DAG1: variants seen among roughly 807,000 people sequenced by gnomAD.
DAG1 encodes the protein dystroglycan 1.
In DAG1, 8 loss-of-function variants were observed where a neutral mutation model predicts 46.1. The ratio of observed to expected loss-of-function variants is 0.17; its 90% CI spans 0.10 to 0.31. The LOEUF (loss-of-function observed/expected upper bound fraction) is 0.31, where lower values mean the gene tolerates loss of function less well. Among genes scored for constraint, DAG1 ranks in the 10% least tolerant of loss-of-function variants. The probability of loss-of-function intolerance (pLI) is 1.00; values close to 1 mark genes in which losing one functional copy is unlikely to be tolerated. For synonymous variants in DAG1, 495 were observed against 481.8 expected, an observed-to-expected ratio of 1.03 and a Z score of -0.36; for missense variants, 1,003 against 1,189.9, an observed-to-expected ratio of 0.84 and a Z score of 2.31.
At chr3:49,499,204 T>C (rs1234658931) in intron 1 of DAG1, among the ~76,000 whole-genome samples, 1 of 152,172 alleles carries the variant, frequency 6.6e-6, no homozygotes, top group African/African-American at 2.4e-5. Flanking sequence ...CAAAAACTAA[T>C]AGAGAGCTGT....
chr3:49,512,079 T>G (rs534692064), intron 2 of DAG1, among the ~76,000 whole-genome samples: 3 of 152,140 alleles, frequency 2.0e-5, no homozygotes, highest in Non-Finnish European at 4.4e-5. Flanking sequence ...TTGTTCAGGC[T>G]GGAGTGCAGT....
intron 1 of DAG1, among the ~76,000 whole-genome samples, chr3:49,488,423 T>G (rs1244544820): frequency 6.6e-6 from 1 of 152,226 alleles, no homozygotes; most frequent in African/African-American, 2.4e-5. Context: ...TCTAGGATTA[T>G]ATCCTTAGAT....
chr3:49,495,285 A>G (rs1354734968), intron 1 of DAG1, among the ~76,000 whole-genome samples: 2 of 152,192 alleles, frequency 1.3e-5, no homozygotes, highest in African/African-American at 4.8e-5. Flanking sequence ...TTTATAATGT[A>G]TTAGTATAAA....
rs2051422567 is a variant in DAG1, at chr3:49,533,309, T to C, written c.*110T>C. On this transcript the variant is annotated 3_prime_UTR_variant, in exon 3 of 3. Coordinates refer to ENST00000308775, the MANE Select transcript of DAG1 (RefSeq NM_004393.6). Reference sequence around the variant, plus strand: ...CCATTGCCCACCGGGAGCCGACACCTGACCTAGCACACACTGACACAGGGG... The same window carrying C: ...CCATTGCCCACCGGGAGCCGACACCCGACCTAGCACACACTGACACAGGGG... 1 of 1,497,196 alleles carries C rather than the reference T, an allele frequency of 6.7e-7. No homozygotes were observed. Among genetic ancestry groups the C allele is most frequent in the East Asian group, 2.4e-5 (1 of 41,252 alleles). The allele number at this position is 1,497,196 out of a possible 1,614,324, so 92.7% of individuals were successfully genotyped here.
rs758040274 is a variant in DAG1, at chr3:49,530,943, C to T, written c.432C>T (p.His144=). Residue 144 remains histidine (H), a synonymous_variant, in exon 3 of 3, where the codon CAC becomes CAT. Coordinates refer to ENST00000308775, the MANE Select transcript of DAG1 (RefSeq NM_004393.6). ...CACGGCTGGGGGCCAACGGGAGCCA[C>T]ATCCCCCAGACCTCCAGTGTGTTCT... ...SATRLGANGS[H]IPQTSSVFSI... 6 of 1,614,152 alleles carry T rather than the reference C, an allele frequency of 3.7e-6. No homozygotes were observed. The highest frequency in any genetic ancestry group is 5.1e-6 in the Non-Finnish European group (6 of 1,180,018).
chr3:49,512,433 C>T (rs2050786325), intron 2 of DAG1, among the ~76,000 whole-genome samples: 1 of 151,088 alleles, frequency 6.6e-6, no homozygotes, highest in Non-Finnish European at 1.5e-5. Context: ...TCTCTGTCAC[C>T]CAAGCTGGAA....
At position 49,533,919 on chromosome 3, in the gene DAG1, G is replaced by A. The variant is rs949380073; in HGVS notation, c.*720G>A. The A allele has an allele frequency of 1.5e-4, 24 of 163,142 alleles. No homozygotes were observed. The highest frequency in any genetic ancestry group is 1.6e-4 in the Non-Finnish European group (12 of 74,844). The allele number at this position is 163,142 out of a possible 1,614,324, so 10.1% of individuals were successfully genotyped here. ...GGCCCTGGCTCACGCCAAGTCCCTG[G>A]TGCTGGGTTTGCTCTCCCGCTGTTG... On this transcript the variant is annotated 3_prime_UTR_variant, in exon 3 of 3. Coordinates refer to ENST00000308775, the MANE Select transcript of DAG1 (RefSeq NM_004393.6).
At chr3:49,484,229 A>G (rs1252131244) in intron 1 of DAG1, among the ~76,000 whole-genome samples, 3 of 152,108 alleles carry the variant, frequency 2.0e-5, no homozygotes, top group African/African-American at 7.2e-5. Context: ...TTGTGTTTGC[A>G]AGTCTGAGGA....
Position 49,535,364 on chromosome 3 carries a change from C to G in DAG1, c.*2165C>G, listed in dbSNP as rs985699958. ...GTGGCTGGCCCAGAATGGCCTGTTG[C>G]CATAGCAACTGGAGGCGATGGGGCA... On this transcript the variant is annotated 3_prime_UTR_variant, in exon 3 of 3. Coordinates refer to ENST00000308775, the MANE Select transcript of DAG1 (RefSeq NM_004393.6). 1.3e-5 allele frequency: 2 copies of G among 152,662 alleles called. No individual in the cohort carries two copies. Among genetic ancestry groups the G allele is most frequent in the African/African-American group, 4.8e-5 (2 of 41,462 alleles). The allele number at this position is 152,662 out of a possible 1,614,324, so 9.5% of individuals were successfully genotyped here.
At chr3:49,514,848 GACACA>G (rs2050856153) in intron 2 of DAG1, among the ~76,000 whole-genome samples, 1 of 147,462 alleles carries the variant, frequency 6.8e-6, no homozygotes, top group Non-Finnish European at 1.5e-5. Context: ...CACATACATA[GACACA>G]CACACACATA....
intron 1 of DAG1, among the ~76,000 whole-genome samples, chr3:49,504,863 G>A (rs1341180646): frequency 1.4e-5 from 2 of 144,450 alleles, no homozygotes; most frequent in Non-Finnish European, 3.0e-5. Context: ...CACCCGCCTC[G>A]GCCTCCCAAA....
chr3:49,492,563 A>C (rs548413909), intron 1 of DAG1, among the ~76,000 whole-genome samples: 1 of 152,100 alleles, frequency 6.6e-6, no homozygotes, highest in African/African-American at 2.4e-5. Context: ...AGGAGGATCA[A>C]TTGAGCCTGG....
At chr3:49,506,557 A>G (rs2050612210) in intron 1 of DAG1, among the ~76,000 whole-genome samples, 1 of 152,134 alleles carries the variant, frequency 6.6e-6, no homozygotes, top group Non-Finnish European at 1.5e-5. Context: ...TGGTATGACC[A>G]TGTGATTTTT....
intron 1 of DAG1, among the ~76,000 whole-genome samples, chr3:49,483,763 C>A (rs2049945701): frequency 6.6e-6 from 1 of 152,138 alleles, no homozygotes. Context: ...CAGTCTTGAC[C>A]TCCTAGGGTC....
chr3:49,485,657 CTTTTTTTTTTT>C (rs749730213), intron 1 of DAG1, among the ~76,000 whole-genome samples: 1 of 82,110 alleles, frequency 1.2e-5, no homozygotes, highest in Non-Finnish European at 2.4e-5. Context: ...TGTTTTCTTT[CTTTTTTTTTTT>C]TTTTTTTTTT....
chr3:49,496,324 C>T (rs954637225), intron 1 of DAG1, among the ~76,000 whole-genome samples: 9 of 149,680 alleles, frequency 6.0e-5, no homozygotes, highest in African/African-American at 1.7e-4. Context: ...TCCATGCCTA[C>T]GTACTTGGCC....
At chr3:49,527,718 C>G (rs1203082098) in intron 2 of DAG1, among the ~76,000 whole-genome samples, 1 of 152,032 alleles carries the variant, frequency 6.6e-6, no homozygotes, top group Non-Finnish European at 1.5e-5. Context: ...AAAAAGTGCC[C>G]TTGTATAGTT....
chr3:49,471,696 A>G (rs2049522516), intron 1 of DAG1, among the ~76,000 whole-genome samples: 1 of 152,250 alleles, frequency 6.6e-6, no homozygotes, highest in Non-Finnish European at 1.5e-5. Context: ...GGCACAGTGC[A>G]AATCCTCACT....
At position 49,531,525 on chromosome 3, in the gene DAG1, C is replaced by T. The variant is rs773685771; in HGVS notation, c.1014C>T (p.Ile338=). ...CTATCCAGGAGCCCCCATCCAGGAT[C>T]GTGCCAACCCCCACATCTCCAGCCA... ...TTAIQEPPSR[I]VPTPTSPAIA... Residue 338 remains isoleucine (I), a synonymous_variant, in exon 3 of 3, where the codon ATC becomes ATT. Transcript: ENST00000308775. The surrounding 1 kb of genome is among the most constrained non-coding windows in gnomAD (Gnocchi z 7.0). The T allele has an allele frequency of 2.4e-5, 39 of 1,610,678 alleles. No homozygotes were observed. The highest frequency in any genetic ancestry group is 3.1e-5 in the Non-Finnish European group (36 of 1,177,358).
Sources: allele counts gnomAD v4.1 joint callset (sites outside exome capture counted in the v4.1 genomes callset), GRCh38; gene constraint gnomAD v4.1.1; non-coding constraint Gnocchi (gnomAD v3.1); transcripts MANE v1.5; gene names NCBI Gene and HGNC (gene_info 2026-07-23, HGNC 2026-07-21).